Variants in DNAH14 observed in about 807,000 individuals in gnomAD.
The protein encoded by DNAH14 is dynein axonemal heavy chain 14, also known as axonemal beta dynein heavy chain 14.
DNAH14 carries 478 observed loss-of-function variants against 520.9 expected under a neutral mutation model. The observed-to-expected ratio is 0.92, with a 90% confidence interval of 0.85 to 0.99. The LOEUF (loss-of-function observed/expected upper bound fraction) is 0.99. Among genes scored for constraint, DNAH14 ranks in the 50% least tolerant of loss-of-function variants. The pLI is 0.00. For synonymous variants in DNAH14, 1,581 were observed against 1,757.2 expected, an observed-to-expected ratio of 0.90 and a Z score of 2.51; for missense variants, 4,831 against 5,234.5, an observed-to-expected ratio of 0.92 and a Z score of 2.38.
chr1:225,274,208 T>TA (rs1423754765), intron 52 of DNAH14, among the ~76,000 whole-genome samples: 1 of 128,734 alleles, frequency 7.8e-6, no homozygotes, highest in East Asian at 2.5e-4. Flanking sequence ...TTTTTTTTTT[T>TA]TTTTTTTTTT....
intron 21 of DNAH14, among the ~76,000 whole-genome samples, chr1:225,093,610 A>G (rs1020371823): frequency 6.6e-6 from 1 of 152,140 alleles, no homozygotes; most frequent in African/African-American, 2.4e-5. Context: ...CCTATTCAAC[A>G]TAGTGCTGGA....
chr1:225,161,306 C>T (rs1372554645), intron 35 of DNAH14, among the ~76,000 whole-genome samples: 1 of 152,178 alleles, frequency 6.6e-6, no homozygotes, highest in African/African-American at 2.4e-5. Context: ...TTTCACTTAA[C>T]ATAATGACCG....
At chr1:225,368,311 G>C (rs987420223) in intron 77 of DNAH14, among the ~76,000 whole-genome samples, 2 of 152,208 alleles carry the variant, frequency 1.3e-5, no homozygotes, top group African/African-American at 4.8e-5. Flanking sequence ...AAAGCAAACT[G>C]AGGGAGACCA....
At chr1:225,140,404 C>T (rs10915787) in intron 27 of DNAH14, among the ~76,000 whole-genome samples, 30,163 of 152,078 alleles carry the variant, frequency 0.2, 6,157 homozygotes, top group African/African-American at 0.51. Context: ...ACTACATACT[C>T]ACTGTGTTCT....
At chr1:225,145,883 C>T (rs1559097848) in intron 30 of DNAH14, among the ~76,000 whole-genome samples, 1 of 152,156 alleles carries the variant, frequency 6.6e-6, no homozygotes, top group Non-Finnish European at 1.5e-5. Flanking sequence ...ATGTCTCTTA[C>T]AAATCTACTC....
rs1178694789 is a variant in DNAH14 at position 225,144,500 on chromosome 1, T to C, written c.4612T>C (p.Leu1538=). ...GYEYLGCTSR[L]VITPLTDRCW... ...TGAGTACTTGGGCTGTACCTCAAGA[T>C]TGGTTATTACGCCTCTCACAGACCG... Residue 1538 remains leucine, a synonymous_variant, in exon 29 of 86, where the codon TTG becomes CTG. Transcript: ENST00000682510. The C allele has an allele frequency of 3.9e-6, 6 of 1,551,580 alleles. No homozygotes were observed. Among genetic ancestry groups the C allele is most frequent in the South Asian group, 2.4e-5 (2 of 84,052 alleles).
chr1:225,207,173 T>G lies in DNAH14; in HGVS notation c.6392T>G (p.Leu2131Arg). The change falls in exon 41 of 86, where the codon CTT becomes CGT. Residue 2131 changes from leucine to arginine, a missense_variant. Leu to Arg is a moderately radical substitution (Grantham distance 102). Coordinates refer to ENST00000682510, the MANE Select transcript of DNAH14 (RefSeq NM_001367479.1). Reference sequence around the variant, plus strand: ...GTCGTCATAACCCTCTGCAGAATTCTTGATGCTTTCTTTGACTTCATGGGT... The same window carrying G: ...GTCGTCATAACCCTCTGCAGAATTCGTGATGCTTTCTTTGACTTCATGGGT... The part of the protein sequence containing the change: ...ITVVITLCRI[L>R]DAFFDFMGKN... The G allele has an allele frequency of 6.5e-7, 1 of 1,538,430 alleles. No individual in the cohort carries two copies. Among genetic ancestry groups the G allele is most frequent in the Non-Finnish European group, 8.8e-7 (1 of 1,141,594 alleles).
At chr1:225,097,767 C>A (rs3101909) in intron 22 of DNAH14, among the ~76,000 whole-genome samples, 30,540 of 150,976 alleles carry the variant, frequency 0.2, 6,373 homozygotes, top group African/African-American at 0.52. Context: ...GAGCGAGACT[C>A]TGTATAAAAA....
intron 43 of DNAH14, among the ~76,000 whole-genome samples, chr1:225,245,120 A>C (rs192768644): frequency 6.6e-6 from 1 of 152,242 alleles, no homozygotes; most frequent in East Asian, 1.9e-4. Context: ...TAGTCATTCC[A>C]GAGCAGGTTG....
intron 38 of DNAH14, among the ~76,000 whole-genome samples, chr1:225,201,472 G>A (rs1213124577): frequency 2.0e-5 from 3 of 152,066 alleles, no homozygotes; most frequent in African/African-American, 7.2e-5. Flanking sequence ...TGGTTTTCTG[G>A]TTCTTTCTCA....
Position 225,374,240 on chromosome 1 carries a change from ATATT to A in DNAH14, c.12319-446_12319-443del, listed in dbSNP as rs1410858620. On this transcript the variant is annotated intron_variant, in intron 77 of 85. Transcript: ENST00000682510. ...GACAAATGAAATATATATAATATAT[ATATT>A]TGTCTATATATATATATATATATAT... is the stretch of plus-strand genomic sequence containing the variant. Among the ~76,000 whole-genome samples the A allele has an allele frequency of 5.5e-4, 24 of 43,678 alleles. 1 individual carries two copies. The highest frequency in any genetic ancestry group is 2.2e-3 in the Admixed American group (6 of 2,786). 28.7% of individuals were successfully genotyped at this position (43,678 alleles called of 152,430 possible).
At chr1:225,271,280 T>C in intron 50 of DNAH14, among the ~76,000 whole-genome samples, 1 of 152,208 alleles carries the variant, frequency 6.6e-6, no homozygotes, top group East Asian at 1.9e-4. Flanking sequence ...AGGTAGACTT[T>C]CTTCTAAAAC....
At chr1:225,181,662 T>A (rs11578729) in intron 36 of DNAH14, among the ~76,000 whole-genome samples, 19,452 of 152,248 alleles carry the variant, frequency 0.13, 1,393 homozygotes, top group East Asian at 0.31. Flanking sequence ...GCCCACTTTT[T>A]AATGGAGTTG....
Position 225,318,599 on chromosome 1 carries a change from TA to T in DNAH14, c.9262del (p.Ser3088ValfsTer13). The T allele has an allele frequency of 6.5e-7, 1 of 1,547,436 alleles. No individual in the cohort carries two copies. The highest frequency in any genetic ancestry group is 1.2e-5 in the South Asian group (1 of 82,690). On this transcript the variant is annotated frameshift_variant, in exon 61 of 86. Coordinates refer to ENST00000682510, the MANE Select transcript of DNAH14 (RefSeq NM_001367479.1). LOFTEE classifies it high-confidence loss of function. ...EDYAQKTANELKSVLPAFDKA... is the reference protein window; with the variant it reads ...EDYAQKTANEXKSVLPAFDKA... ...TTATTGCAGAAAACTGCCAATGAAC[TA>T]AAAAGTGTGCTGCCAGCCTTTGACA... is the stretch of plus-strand genomic sequence containing the variant.
intron 54 of DNAH14, among the ~76,000 whole-genome samples, chr1:225,282,942 CT>C (rs1301055205): frequency 6.6e-6 from 1 of 151,942 alleles, no homozygotes; most frequent in Admixed American, 6.6e-5. Flanking sequence ...CTAATATTTT[CT>C]TCATTATATG....
At chr1:225,347,474 T>C (rs767814925) in intron 71 of DNAH14, among the ~76,000 whole-genome samples, 39 of 152,120 alleles carry the variant, frequency 2.6e-4, no homozygotes, top group Non-Finnish European at 4.3e-4. Context: ...CTCCCTCGGA[T>C]AGAAACAAAA....
intron 69 of DNAH14, among the ~76,000 whole-genome samples, chr1:225,344,663 T>C (rs1240631527): frequency 6.6e-6 from 1 of 152,074 alleles, no homozygotes; most frequent in Non-Finnish European, 1.5e-5. Flanking sequence ...ATGCCTTAGC[T>C]ATTGTGAATA....
chr1:225,029,565 T>C (rs1450224165), intron 11 of DNAH14, among the ~76,000 whole-genome samples: 1 of 151,934 alleles, frequency 6.6e-6, no homozygotes, highest in African/African-American at 2.4e-5. Context: ...TAGTTTACAG[T>C]CTAGAGGAAG....
intron 34 of DNAH14, among the ~76,000 whole-genome samples, chr1:225,155,499 T>C (rs920067979): frequency 6.6e-6 from 1 of 152,234 alleles, no homozygotes; most frequent in African/African-American, 2.4e-5. Context: ...TTTTATGATT[T>C]TTTAACAAAG....
Sources: gnomAD v4.1 joint callset for allele counts (sites outside exome capture counted in the v4.1 genomes callset) on GRCh38, gnomAD v4.1.1 for gene constraint, MANE v1.5 for transcripts, NCBI Gene and HGNC (gene_info 2026-07-23, HGNC 2026-07-21) for gene names.